CTNND2: variants seen among roughly 807,000 people sequenced by gnomAD.
CTNND2 encodes the protein catenin delta-2.
In CTNND2, 22 loss-of-function variants were observed where a neutral mutation model predicts 144.4. That is an observed-to-expected ratio of 0.15 (90% CI 0.11 to 0.22). CTNND2 has a LOEUF of 0.22. Ranked by LOEUF, CTNND2 falls within the 10% of genes least tolerant of loss-of-function variation. The pLI is 1.00. For missense variants in CTNND2, 1,353 were observed against 1,618.8 expected (o/e 0.84, Z 2.82); for synonymous variants, 751 against 695.6 (o/e 1.08, Z -1.25).
intron 6 of CTNND2, among the ~76,000 whole-genome samples, chr5:11,388,138 A>G (rs1166993483): frequency 6.6e-6 from 1 of 152,216 alleles, no homozygotes. Context: ...GAAAAAAGGA[A>G]AAGTATAAAC....
chr5:10,995,541 G>A (rs73744323), intron 18 of CTNND2, among the ~76,000 whole-genome samples: 2,197 of 152,340 alleles, frequency 0.014, 51 homozygotes, highest in African/African-American at 0.05. Flanking sequence ...AGGGGAGACA[G>A]TGAGTACAGA....
At chr5:11,815,245 C>A (rs1198498689) in intron 1 of CTNND2, among the ~76,000 whole-genome samples, 4 of 151,964 alleles carry the variant, frequency 2.6e-5, no homozygotes, top group Non-Finnish European at 4.4e-5. Context: ...GTTTCTGTAC[C>A]AATGAATTAG....
intron 1 of CTNND2, among the ~76,000 whole-genome samples, chr5:11,822,709 G>C (rs1042449255): frequency 1.3e-5 from 2 of 152,126 alleles, no homozygotes; most frequent in African/African-American, 4.8e-5. Context: ...GCATGGCAAG[G>C]AAATGAAGGA....
chr5:11,316,091 A>G (rs1163360049), intron 9 of CTNND2, among the ~76,000 whole-genome samples: 1 of 152,214 alleles, frequency 6.6e-6, no homozygotes, highest in Non-Finnish European at 1.5e-5. Flanking sequence ...CCTAAATAAA[A>G]GGCTACAGCT....
intron 13 of CTNND2, among the ~76,000 whole-genome samples, chr5:11,113,175 C>T (rs79014334): frequency 0.012 from 1,840 of 152,084 alleles, 19 homozygotes; most frequent in Non-Finnish European, 0.018. Flanking sequence ...AAAAAAAACA[C>T]CAGTATCATG....
At chr5:11,747,752 C>G (rs1246147821) in intron 1 of CTNND2, among the ~76,000 whole-genome samples, 1 of 152,136 alleles carries the variant, frequency 6.6e-6, no homozygotes, top group Non-Finnish European at 1.5e-5. Context: ...AAGCCAGTCA[C>G]AACAATTTTA....
chr5:11,821,539 A>C (rs1401287136), intron 1 of CTNND2, among the ~76,000 whole-genome samples: 3 of 152,204 alleles, frequency 2.0e-5, no homozygotes, highest in Non-Finnish European at 4.4e-5. Flanking sequence ...AAAACCAAAA[A>C]AAAAAATTTC....
intron 3 of CTNND2, among the ~76,000 whole-genome samples, chr5:11,494,504 AT>A (rs1769749454): frequency 6.6e-6 from 1 of 152,174 alleles, no homozygotes; most frequent in South Asian, 2.1e-4. Flanking sequence ...ATAAATACAA[AT>A]AATTTTCAAA....
chr5:11,713,324 T>C (rs1786141063), intron 2 of CTNND2, among the ~76,000 whole-genome samples: 1 of 152,140 alleles, frequency 6.6e-6, no homozygotes, highest in South Asian at 2.1e-4. Context: ...CTCAGGCCTG[T>C]AATCCCAGTA....
chr5:11,713,144 C>A (rs1168700158), intron 2 of CTNND2, among the ~76,000 whole-genome samples: 1 of 152,106 alleles, frequency 6.6e-6, no homozygotes, highest in Non-Finnish European at 1.5e-5. Context: ...CAATTTATTT[C>A]TTATTTTAGG....
At chr5:11,675,560 T>C (rs1032795563) in intron 2 of CTNND2, among the ~76,000 whole-genome samples, 1 of 152,106 alleles carries the variant, frequency 6.6e-6, no homozygotes, top group Non-Finnish European at 1.5e-5. Flanking sequence ...TCTTTTTAAA[T>C]TTTTGCCTTT....
chr5:11,854,274 C>T (rs1275041073), intron 1 of CTNND2, among the ~76,000 whole-genome samples: 1 of 152,206 alleles, frequency 6.6e-6, no homozygotes, highest in Non-Finnish European at 1.5e-5. Flanking sequence ...AACTGCATTA[C>T]TTTTGCCTGG....
chr5:11,755,528 AAT>A (rs1788879905), intron 1 of CTNND2, among the ~76,000 whole-genome samples: 1 of 151,698 alleles, frequency 6.6e-6, no homozygotes, highest in South Asian at 2.1e-4. Flanking sequence ...GATATCCTCA[AAT>A]ATGTTTTCCA....
At chr5:11,326,760 A>G (rs1752574280) in intron 9 of CTNND2, among the ~76,000 whole-genome samples, 2 of 152,200 alleles carry the variant, frequency 1.3e-5, no homozygotes, top group South Asian at 4.1e-4. Flanking sequence ...GAAGGAAAAG[A>G]GCTGGGCAAC....
At chr5:11,723,108 AAAT>A (rs1786778713) in intron 2 of CTNND2, among the ~76,000 whole-genome samples, 1 of 152,206 alleles carries the variant, frequency 6.6e-6, no homozygotes, top group Non-Finnish European at 1.5e-5. Flanking sequence ...GATTTTCAAC[AAAT>A]ATGATAAACT....
At chr5:11,712,968 G>T (rs1242092734) in intron 2 of CTNND2, among the ~76,000 whole-genome samples, 1 of 152,018 alleles carries the variant, frequency 6.6e-6, no homozygotes, top group Non-Finnish European at 1.5e-5. Context: ...GTATCCTAGG[G>T]GTCAGGCTAA....
At chr5:11,179,999 G>C (rs2149797656) in intron 11 of CTNND2, among the ~76,000 whole-genome samples, 1 of 152,186 alleles carries the variant, frequency 6.6e-6, no homozygotes, top group Non-Finnish European at 1.5e-5. Context: ...GGATCGCTGA[G>C]GCTAGAGCAC....
At chr5:11,502,668 G>T (rs970723317) in intron 3 of CTNND2, among the ~76,000 whole-genome samples, 1 of 152,040 alleles carries the variant, frequency 6.6e-6, no homozygotes, top group East Asian at 1.9e-4. Context: ...CAAAGAATCC[G>T]GGAACATTTG....
chr5:11,644,504 C>A (rs1447967162), intron 2 of CTNND2, among the ~76,000 whole-genome samples: 2 of 152,016 alleles, frequency 1.3e-5, no homozygotes, highest in Non-Finnish European at 2.9e-5. Context: ...GAAACCCTGT[C>A]TCTACTAAAA....
Sources: gnomAD v4.1 joint callset for allele counts (sites outside exome capture counted in the v4.1 genomes callset) on GRCh38, gnomAD v4.1.1 for gene constraint, MANE v1.5 for transcripts, NCBI Gene and HGNC (gene_info 2026-07-23, HGNC 2026-07-21) for gene names.